SLC4A9: variants seen among roughly 807,000 people sequenced by gnomAD.
SLC4A9 encodes the protein solute carrier family 4 member 9.
A neutral mutation model predicts 103.2 loss-of-function variants in SLC4A9; 102 were observed. The ratio of observed to expected loss-of-function variants is 0.99; its 90% CI spans 0.84 to 1.17. The LOEUF (loss-of-function observed/expected upper bound fraction) is 1.17. SLC4A9 is among the 50% of genes most tolerant of loss of function. The pLI is 0.00. For missense variants in SLC4A9, 1,091 were observed against 1,193.7 expected (o/e 0.91, Z 1.27); for synonymous variants, 453 against 483.6 (o/e 0.94, Z 0.83).
At chr5:140,368,171 A>G (rs1376559232) in intron 16 of SLC4A9, among the ~76,000 whole-genome samples, 1 of 152,194 alleles carries the variant, frequency 6.6e-6, no homozygotes, top group Non-Finnish European at 1.5e-5. Context: ...GGTGCCACCT[A>G]ATAATCCTCA....
rs1343255011 is a variant in SLC4A9 at position 140,363,414 on chromosome 5, A to G, written c.963-25A>G. The G allele has an allele frequency of 6.5e-7, 1 of 1,547,698 alleles. No individual in the cohort carries two copies. The highest frequency in any genetic ancestry group is 1.4e-5 in the African/African-American group (1 of 72,972). On this transcript the variant is annotated intron_variant, in intron 7 of 21. Transcript: ENST00000506757. The surrounding 1 kb of genome is among the most constrained non-coding windows in gnomAD (Gnocchi z 4.5). ...GCAGACTGGTTGGAGATCCTCAGCCAACCTGGGGTTCCCCTCCTCCTCAGG... is the reference window on the plus strand; with the variant it reads ...GCAGACTGGTTGGAGATCCTCAGCCGACCTGGGGTTCCCCTCCTCCTCAGG...
chr5:140,364,699 T>C (rs931914742), intron 11 of SLC4A9, 74 bp downstream of exon 11: 3 of 1,522,402 alleles, frequency 2.0e-6, no homozygotes, highest in Non-Finnish European at 2.7e-6. Flanking sequence ...ACCCTTACTA[T>C]CCCCCCTGGT....
At chr5:140,360,586 C>T in intron 1 of SLC4A9, 120 bp downstream of exon 1, 1 of 1,162,482 alleles carries the variant, frequency 8.6e-7, no homozygotes, top group South Asian at 1.5e-5. Flanking sequence ...AGCTGTGTTC[C>T]CTTATTTCAG....
intron 5 of SLC4A9, 33 bp from the exon 6 acceptor site, chr5:140,362,412 C>G (rs1357223686): frequency 1.2e-6 from 2 of 1,601,642 alleles, no homozygotes; most frequent in Non-Finnish European, 1.7e-6. Flanking sequence ...GGAAAGCAGC[C>G]TGTGAATCTC....
rs373179462 is a variant in SLC4A9 at position 140,371,155 on chromosome 5, A to G, written c.2488A>G (p.Ser830Gly). The change falls in exon 18 of 22, where the codon AGC becomes GGC. Residue 830 changes from serine (S) to glycine (G), a missense_variant. Physicochemically the swap from Ser to Gly is moderately conservative, Grantham distance 56. Coordinates refer to ENST00000506757, the MANE Select transcript of SLC4A9 (RefSeq NM_031467.3). ...GTATATGGGGGTGGCAGCGCTCAGC[A>G]GCATTCAGGTGAGCCCATTAAAATC... The part of the protein sequence containing the change: ...FLYMGVAALS[S>G]IQFTNRVKLL... 5 of 1,610,964 alleles carry G rather than the reference A, an allele frequency of 3.1e-6. No individual in the cohort carries two copies. Among genetic ancestry groups the G allele is most frequent in the Admixed American group, 3.4e-5 (2 of 59,460 alleles).
In SLC4A9 at chr5:140,364,475, C is replaced by T. The variant is rs779286570; in HGVS notation, c.1501C>T (p.Arg501Cys). Residue 501 changes from arginine to cysteine, a missense_variant, in exon 11 of 22, where the codon CGC (arginine) becomes TGC (cysteine). Physicochemically the swap from Arg to Cys is radical, Grantham distance 180. Transcript: ENST00000506757. ...CAGTGTGCTGGTGCGCTACTTCACC[C>T]GCTTCACTGAGGAAGGTTTCTGTGC... ...EASVLVRYFT[R>C]FTEEGFCALI... 3.4e-5 allele frequency: 55 copies of T among 1,612,742 alleles called. No individual in the cohort carries two copies. The highest frequency in any genetic ancestry group is 4.1e-5 in the Non-Finnish European group (48 of 1,179,358).
chr5:140,361,346 A>G lies in SLC4A9; in HGVS notation c.484A>G (p.Thr162Ala), dbSNP rs1767052420. The G allele has an allele frequency of 1.3e-6, 2 of 1,559,488 alleles. No homozygotes were observed. The highest frequency in any genetic ancestry group is 1.7e-6 in the Non-Finnish European group (2 of 1,151,608). ...LQRPQHYNQT[T>A]GTRPCWGSTH... is the part of the protein sequence containing the mutation. ...GAGACCCCAGCATTACAACCAGACC[A>G]CAGGCACCAGGCCCTGCTGGGGTGA... Residue 162 changes from threonine to alanine, a missense_variant, in exon 3 of 22, where the codon ACA (threonine) becomes GCA (alanine). Coordinates refer to ENST00000506757, the MANE Select transcript of SLC4A9 (RefSeq NM_031467.3).
rs116424162 is a variant in SLC4A9 at position 140,361,488 on chromosome 5, T to C, written c.505+121T>C. The C allele has an allele frequency of 1.8e-4, 139 of 779,986 alleles. No homozygotes were observed. The African/African-American group carries it at 2.3e-3, about 13-fold the overall frequency. 48.3% of individuals were successfully genotyped at this position (779,986 alleles called of 1,614,324 possible). ...AGTTCAGGCTCCAACCCAGGACTCATGAGCAAGAGGAAACTGGTGGTAATG... is the reference window on the plus strand; with the variant it reads ...AGTTCAGGCTCCAACCCAGGACTCACGAGCAAGAGGAAACTGGTGGTAATG... On this transcript the variant is annotated intron_variant, in intron 3 of 21. Coordinates refer to ENST00000506757, the MANE Select transcript of SLC4A9 (RefSeq NM_031467.3).
rs1227921328 is a variant in SLC4A9 at position 140,366,213 on chromosome 5, T to C, written c.1962T>C (p.Asp654=). ...VLAILLGCGL[D]AFLGLATPKL... Reference sequence around the variant, plus strand: ...CCATCCTGCTCGGCTGTGGCCTTGATGCTTTCCTGGGCCTAGCCACACCAA... The same window carrying C: ...CCATCCTGCTCGGCTGTGGCCTTGACGCTTTCCTGGGCCTAGCCACACCAA... Residue 654 remains aspartate, a synonymous_variant, in exon 14 of 22, where the codon GAT becomes GAC. Coordinates refer to ENST00000506757, the MANE Select transcript of SLC4A9 (RefSeq NM_031467.3). 2.5e-6 allele frequency: 4 copies of C among 1,608,916 alleles called. No individual in the cohort carries two copies. Among genetic ancestry groups the C allele is most frequent in the Admixed American group, 1.7e-5 (1 of 58,804 alleles).
At chr5:140,362,327 G>A in intron 5 of SLC4A9, 118 bp from the exon 6 acceptor site, 1 of 1,244,818 alleles carries the variant, frequency 8.0e-7, no homozygotes, top group East Asian at 2.4e-5. Flanking sequence ...GGGCTGCATG[G>A]TAGGTGTGCA....
intron 21 of SLC4A9, among the ~76,000 whole-genome samples, chr5:140,373,118 C>T (rs1203655153): frequency 6.6e-6 from 1 of 152,122 alleles, no homozygotes; most frequent in South Asian, 2.1e-4. Context: ...TTGTGGGGGG[C>T]GGTGCCCTGG....
Position 140,372,803 on chromosome 5 carries a change from A to T in SLC4A9, c.*5A>T. ...ATCAACATTTCTGTGAATTAGCTGGAGTAGGAGTCTGGGAGTGGAGACCCC... is the reference window on the plus strand; with the variant it reads ...ATCAACATTTCTGTGAATTAGCTGGTGTAGGAGTCTGGGAGTGGAGACCCC... On this transcript the variant is annotated 3_prime_UTR_variant, in exon 21 of 22. Coordinates refer to ENST00000506757, the MANE Select transcript of SLC4A9 (RefSeq NM_031467.3). 6.4e-7 allele frequency: 1 copy of T among 1,564,348 alleles called. No homozygotes were observed. The highest frequency in any genetic ancestry group is 8.7e-7 in the Non-Finnish European group (1 of 1,153,454).
Position 140,361,871 on chromosome 5 carries a change from G to T in SLC4A9, c.561+8G>T, listed in dbSNP as rs1031260493. On this transcript the variant is annotated splice_region_variant and intron_variant, in intron 4 of 21. Transcript: ENST00000506757. ...GCCCCCCTGAGGGAACAGGTTTGTG[G>T]CCCTTCCTTGGGGTCCCTTTCCAGT... is the stretch of plus-strand genomic sequence containing the variant. 3 of 1,613,502 alleles carry T rather than the reference G, an allele frequency of 1.9e-6. No homozygotes were observed. The highest frequency in any genetic ancestry group is 1.7e-6 in the Non-Finnish European group (2 of 1,179,706).
In SLC4A9 at chr5:140,367,915, G is replaced by A. The variant is rs951941642; in HGVS notation, c.2354+17G>A. 1.9e-6 allele frequency: 3 copies of A among 1,613,110 alleles called. No homozygotes were observed. Among genetic ancestry groups the A allele is most frequent in the Non-Finnish European group, 2.5e-6 (3 of 1,179,464 alleles). On this transcript the variant is annotated intron_variant, in intron 16 of 21. Transcript: ENST00000506757. ...GGGTATCAGGTGAGGGCGGTATTTA[G>A]GAAGTGGAGTAAGAGGTGGGCAGCA...
Position 140,361,847 on chromosome 5 carries a change from C to T in SLC4A9, c.545C>T (p.Ala182Val), listed in dbSNP as rs1281179282. 4.3e-6 allele frequency: 7 copies of T among 1,613,738 alleles called. No individual in the cohort carries two copies. In the African/African-American group the frequency reaches 5.3e-5, roughly 12 times the overall value. Residue 182 changes from alanine to valine, a missense_variant, in exon 4 of 22, where the codon GCC becomes GTC. By Grantham distance (64) the Ala-to-Val change is moderately conservative. Transcript: ENST00000506757. The part of the protein sequence containing the change: ...HPRKASDNEE[A>V]PLREQCQNPL... ...AGAAAGGCTTCTGACAATGAGGAAGCCCCCCTGAGGGAACAGGTTTGTGGC... is the reference window on the plus strand; with the variant it reads ...AGAAAGGCTTCTGACAATGAGGAAGTCCCCCTGAGGGAACAGGTTTGTGGC...
At position 140,367,597 on chromosome 5, in the gene SLC4A9, TA is replaced by T; in HGVS notation, c.2175+18del. ...CAGACTGCAGGTAAGGCCTGCTGGG[TA>T]AGGCCCAAGACCAAGGGACAGAAGC... On this transcript the variant is annotated intron_variant, in intron 15 of 21. Coordinates refer to ENST00000506757, the MANE Select transcript of SLC4A9 (RefSeq NM_031467.3). 1 of 1,601,178 alleles carries T rather than the reference TA, an allele frequency of 6.2e-7. No individual in the cohort carries two copies. Among genetic ancestry groups the T allele is most frequent in the Non-Finnish European group, 8.5e-7 (1 of 1,173,700 alleles).
At chr5:140,373,004 G>A (rs1447786099) in intron 21 of SLC4A9, among the ~76,000 whole-genome samples, 161 bp downstream of exon 21, 3 of 152,168 alleles carry the variant, frequency 2.0e-5, no homozygotes, top group Non-Finnish European at 4.4e-5. Context: ...TCTTCCTAGC[G>A]AAGAGTAACT....
chr5:140,363,845 T>C lies in SLC4A9; in HGVS notation c.1197T>C (p.Thr399=). The C allele has an allele frequency of 2.5e-6, 4 of 1,614,006 alleles. No homozygotes were observed. The highest frequency in any genetic ancestry group is 3.4e-6 in the Non-Finnish European group (4 of 1,179,868). ...CCGTACTCTACATTTACCTGGCCAC[T>C]GTCACTAATGCCATCACTTTTGGGG... ...FSAVLYIYLA[T]VTNAITFGGL... Residue 399 remains threonine (T), a synonymous_variant, in exon 9 of 22, where the codon ACT becomes ACC. Coordinates refer to ENST00000506757, the MANE Select transcript of SLC4A9 (RefSeq NM_031467.3). The surrounding 1 kb of genome is among the most constrained non-coding windows in gnomAD (Gnocchi z 4.5).
intron 6 of SLC4A9, 51 bp from the exon 7 acceptor site, chr5:140,362,861 T>C: frequency 6.2e-7 from 1 of 1,610,266 alleles, no homozygotes; most frequent in Non-Finnish European, 8.5e-7. Flanking sequence ...TGAAAATGCA[T>C]GTAAGAGACC....
Sources: allele counts gnomAD v4.1 joint callset (sites outside exome capture counted in the v4.1 genomes callset), GRCh38; gene constraint gnomAD v4.1.1; non-coding constraint Gnocchi (gnomAD v3.1); transcripts MANE v1.5; gene names NCBI Gene and HGNC (gene_info 2026-07-23, HGNC 2026-07-21).